NLGN4X: variants seen among roughly 807,000 people sequenced by gnomAD.
NLGN4X encodes the protein neuroligin-4, X-linked.
Under a neutral mutation model 40.3 loss-of-function variants are expected in NLGN4X, and 3 were observed. That is an observed-to-expected ratio of 0.07 (90% confidence interval 0.03 to 0.19). The LOEUF (loss-of-function observed/expected upper bound fraction) is 0.19. NLGN4X is among the 10% of genes least tolerant of loss of function. The pLI, the probability that NLGN4X is intolerant of heterozygous loss-of-function variation, is 1.00. For synonymous variants in NLGN4X, 270 were observed against 306.8 expected (o/e 0.88, Z 1.25); for missense variants, 382 against 708.3 (o/e 0.54, Z 5.23).
intron 1 of NLGN4X, among the ~76,000 whole-genome samples, chrX:6,173,143 T>G (rs990009235): frequency 8.9e-6 from 1 of 112,100 alleles, no homozygotes; most frequent in African/African-American, 3.2e-5. Context: ...CAAAATAAAT[T>G]TCATCTGCTC....
At position 6,161,063 on chromosome X, in the gene NLGN4X, A is replaced by T. The variant is rs12846059; in HGVS notation, c.-305-9292T>A. Among the ~76,000 whole-genome samples the T allele has an allele frequency of 6.4e-5, 6 of 93,100 alleles. No individual in the cohort carries two copies. The East Asian group carries it at 1.0e-3, about 15-fold the overall frequency. The allele number at this position is 93,100 out of a possible 115,157, so 80.8% of individuals were successfully genotyped here. A position where few individuals can be genotyped will look rare whatever the true frequency, so the allele number is the denominator to read the frequency against. ...TATTCTATATATAATATAGGATATA[A>T]AATATATTATTCTATATATAATATA... is the stretch of plus-strand genomic sequence containing the variant. On this transcript the variant is annotated intron_variant, in intron 1 of 5. Transcript: ENST00000381095.
intron 2 of NLGN4X, chrX:6,032,763 T>C (rs765254419): frequency 6.3e-6 from 7 of 1,112,622 alleles, no homozygotes; most frequent in Non-Finnish European, 8.4e-6. Context: ...GGGGTCATAT[T>C]GAGAAGGAAA....
At chrX:6,008,024 C>CATAT in intron 3 of NLGN4X, among the ~76,000 whole-genome samples, 1 of 111,816 alleles carries the variant, frequency 8.9e-6, no homozygotes, top group Non-Finnish European at 1.9e-5. Flanking sequence ...CTTTCAGGAC[C>CATAT]TTTCTACACT....
intron 2 of NLGN4X, among the ~76,000 whole-genome samples, chrX:6,100,575 A>C (rs760881422): frequency 5.0e-4 from 56 of 111,889 alleles, no homozygotes; most frequent in African/African-American, 1.4e-3. Flanking sequence ...AGGGAAATTT[A>C]TCTCTACCCA....
At chrX:5,994,511 G>T (rs1423434746) in intron 3 of NLGN4X, among the ~76,000 whole-genome samples, 1 of 111,827 alleles carries the variant, frequency 8.9e-6, no homozygotes, top group Non-Finnish European at 1.9e-5. Context: ...CAAACCAGGG[G>T]CAAAATGGTG....
intron 2 of NLGN4X, among the ~76,000 whole-genome samples, chrX:6,089,346 C>G (rs1020190214): frequency 9.0e-6 from 1 of 111,603 alleles, no homozygotes; most frequent in Non-Finnish European, 1.9e-5. Flanking sequence ...GTAGTTTGTA[C>G]ATGGCTATAC....
At chrX:5,981,152 T>C (rs1462168030) in intron 3 of NLGN4X, among the ~76,000 whole-genome samples, 1 of 110,947 alleles carries the variant, frequency 9.0e-6, no homozygotes, top group Non-Finnish European at 1.9e-5. Flanking sequence ...ATAGTTGATA[T>C]ATGCATCAAC....
At chrX:6,033,138 A>AT (rs2036915775) in intron 2 of NLGN4X, among the ~76,000 whole-genome samples, 1 of 112,117 alleles carries the variant, frequency 8.9e-6, no homozygotes, top group Non-Finnish European at 1.9e-5. Context: ...CTTATGGCGT[A>AT]TTCAATGGTC....
intron 1 of NLGN4X, among the ~76,000 whole-genome samples, chrX:6,158,915 C>T (rs1173219507): frequency 1.8e-5 from 2 of 111,864 alleles, no homozygotes; most frequent in Admixed American, 9.5e-5. Flanking sequence ...TCTGTTCCTG[C>T]GTTAGTTTGC....
chrX:6,073,027 A>C (rs1222192131), intron 2 of NLGN4X, among the ~76,000 whole-genome samples: 2 of 112,532 alleles, frequency 1.8e-5, no homozygotes, highest in Non-Finnish European at 3.7e-5. Context: ...ATTATGCCTC[A>C]ATCCTGTTCT....
At chrX:5,944,130 G>A (rs1281701265) in intron 3 of NLGN4X, among the ~76,000 whole-genome samples, 1 of 111,548 alleles carries the variant, frequency 9.0e-6, no homozygotes, top group Non-Finnish European at 1.9e-5. Flanking sequence ...GGAGTGGGAG[G>A]CTTCCCTAAC....
intron 2 of NLGN4X, among the ~76,000 whole-genome samples, chrX:6,096,419 G>A (rs1259106667): frequency 1.8e-5 from 2 of 111,313 alleles, no homozygotes; most frequent in Non-Finnish European, 3.8e-5. Context: ...TAATGCCCCC[G>A]ATAAAATGTT....
intron 2 of NLGN4X, among the ~76,000 whole-genome samples, chrX:6,047,722 T>A (rs1468533344): frequency 9.0e-6 from 1 of 111,373 alleles, no homozygotes; most frequent in Non-Finnish European, 1.9e-5. Flanking sequence ...ACAAAAGGTG[T>A]CTCTACAATA....
chrX:6,217,373 T>C (rs1037785101), intron 1 of NLGN4X, among the ~76,000 whole-genome samples: 2 of 112,027 alleles, frequency 1.8e-5, no homozygotes, highest in Non-Finnish European at 3.8e-5. Flanking sequence ...TCTTGTGTAA[T>C]TTTAAGTTAA....
chrX:6,111,031 C>G lies in NLGN4X; in HGVS notation c.472+39964G>C, dbSNP rs966617618. Among the ~76,000 whole-genome samples the G allele has an allele frequency of 6.3e-5, 7 of 111,452 alleles. No individual in the cohort carries two copies. The East Asian group carries it at 2.0e-3, about 31-fold the overall frequency. On this transcript the variant is annotated intron_variant, in intron 2 of 5. Coordinates refer to ENST00000381095, the MANE Select transcript of NLGN4X (RefSeq NM_181332.3). ...TCCTAACCCTAACCCGAACCCTAAC[C>G]CTAAAAGACCATGATGCAAGGCAAT...
At chrX:5,928,451 G>A (rs185186915) in intron 3 of NLGN4X, among the ~76,000 whole-genome samples, 56 of 112,068 alleles carry the variant, frequency 5.0e-4, no homozygotes, top group African/African-American at 1.3e-3. Context: ...TGAGGACGAG[G>A]ATGATCTCAG....
chrX:6,120,012 C>T (rs1171530271), intron 2 of NLGN4X, among the ~76,000 whole-genome samples: 2 of 111,315 alleles, frequency 1.8e-5, no homozygotes, highest in East Asian at 5.6e-4. Context: ...AAAATTGCTA[C>T]GTAATCACAG....
Position 6,055,413 on chromosome X carries a change from T to G in NLGN4X, c.473-25981A>C, listed in dbSNP as rs185396851. On this transcript the variant is annotated intron_variant, in intron 2 of 5. Transcript: ENST00000381095. ...AGGAAGCTGAGGCAGGAGGATCACTTGAGTCCAGGAGTTGGAGGCTGTGGT... is the reference window on the plus strand; with the variant it reads ...AGGAAGCTGAGGCAGGAGGATCACTGGAGTCCAGGAGTTGGAGGCTGTGGT... Among the ~76,000 whole-genome samples the G allele has an allele frequency of 2.4e-3, 264 of 111,885 alleles. 1 individual carries two copies. The highest frequency in any genetic ancestry group is 7.6e-3 in the African/African-American group (235 of 30,820).
intron 1 of NLGN4X, among the ~76,000 whole-genome samples, chrX:6,228,049 C>T (rs1926545242): frequency 9.1e-6 from 1 of 110,132 alleles, no homozygotes; most frequent in South Asian, 4.0e-4. Flanking sequence ...CCATCTCCAG[C>T]CCTGGCCGCT....
Sources: gnomAD v4.1 joint callset for allele counts (sites outside exome capture counted in the v4.1 genomes callset) on GRCh38, gnomAD v4.1.1 for gene constraint, MANE v1.5 for transcripts, NCBI Gene and HGNC (gene_info 2026-07-23, HGNC 2026-07-21) for gene names.